Variants in EVC observed in about 807,000 individuals in gnomAD.
EVC encodes EvC ciliary complex subunit 1, also known as evC complex member EVC.
In EVC, 116 loss-of-function variants were observed where a neutral mutation model predicts 118.9. The ratio of observed to expected loss-of-function variants is 0.98; its 90% CI spans 0.84 to 1.14. EVC has a LOEUF of 1.14. EVC is among the 50% of genes most tolerant of loss of function. The pLI is 0.00. For synonymous variants in EVC, 619 were observed against 534.7 expected, an observed-to-expected ratio of 1.16 and a Z score of -2.18; for missense variants, 1,401 against 1,246.4, an observed-to-expected ratio of 1.12 and a Z score of -1.87.
intron 15 of EVC, among the ~76,000 whole-genome samples, chr4:5,801,308 A>T (rs1714925694): frequency 6.6e-6 from 1 of 152,132 alleles, no homozygotes; most frequent in African/African-American, 2.4e-5. Flanking sequence ...GTCACTCCAG[A>T]TGTCAGGCCT....
In EVC at chr4:5,719,406, C is replaced by A. The variant is rs1419679318; in HGVS notation, c.300+33C>A. 4 of 1,613,748 alleles carry A rather than the reference C, an allele frequency of 2.5e-6. No homozygotes were observed. In the Admixed American group the frequency reaches 6.7e-5, roughly 27 times the overall value. ...TGGTGTTGATGTTTGTTTGTGGAGG[C>A]ACATGTGGGAGGTGGGGTATTCCCC... On this transcript the variant is annotated intron_variant, in intron 2 of 20. Coordinates refer to ENST00000264956, the MANE Select transcript of EVC (RefSeq NM_153717.3). This position sits in a 1 kb window ranked among gnomAD's most constrained non-coding sequence, Gnocchi z 4.7.
Position 5,783,632 on chromosome 4 carries a change from C to T in EVC, c.1644C>T (p.Gly548=), listed in dbSNP as rs1316109806. 6.2e-7 allele frequency: 1 copy of T among 1,614,142 alleles called. No homozygotes were observed. Among genetic ancestry groups the T allele is most frequent in the East Asian group, 2.2e-5 (1 of 44,882 alleles). The change falls in exon 12 of 21, where the codon GGC becomes GGT. Residue 548 remains glycine (G), a synonymous_variant. Coordinates refer to ENST00000264956, the MANE Select transcript of EVC (RefSeq NM_153717.3). ...TTCAGACGCTCCCTGGCATGACTGG[C>T]CTCCCCCCGGAAGAGTGTGACTACT... ...LFLQTLPGMT[G]LPPEECDYLR... is the part of the protein sequence containing the mutation.
At chr4:5,777,972 G>A (rs1469997610) in intron 11 of EVC, among the ~76,000 whole-genome samples, 2 of 151,408 alleles carry the variant, frequency 1.3e-5, no homozygotes, top group Non-Finnish European at 2.9e-5. Flanking sequence ...ATATCTCCCA[G>A]TGCTATCCCT....
At chr4:5,718,272 A>G (rs1724319153) in intron 1 of EVC, among the ~76,000 whole-genome samples, 1 of 152,202 alleles carries the variant, frequency 6.6e-6, no homozygotes, top group Admixed American at 6.5e-5. Flanking sequence ...CAGTCAATAC[A>G]TAGCATAGTT....
At position 5,756,218 on chromosome 4, in the gene EVC, A is replaced by C. The variant is rs1395214957; in HGVS notation, c.1465-46A>C. On this transcript the variant is annotated intron_variant, in intron 10 of 20. Transcript: ENST00000264956. This position sits in a 1 kb window ranked among gnomAD's most constrained non-coding sequence, Gnocchi z 4.2. ...GAGAACCTTCTGGAAAAAAAAAAAA[A>C]AACCCTGCATGTTTCTACCAGACTC... 6.7e-7 allele frequency: 1 copy of C among 1,490,180 alleles called. No homozygotes were observed. The highest frequency in any genetic ancestry group is 1.7e-4 in the Middle Eastern group (1 of 5,858). The allele number at this position is 1,490,180 out of a possible 1,614,324, so 92.3% of individuals were successfully genotyped here.
At chr4:5,760,397 T>A (rs1731824403) in intron 11 of EVC, among the ~76,000 whole-genome samples, 1 of 151,980 alleles carries the variant, frequency 6.6e-6, no homozygotes, top group Non-Finnish European at 1.5e-5. Context: ...CCTTTTAACG[T>A]AACATCAGGA....
intron 11 of EVC, among the ~76,000 whole-genome samples, chr4:5,768,398 G>T (rs77297528): frequency 0.14 from 20,767 of 152,130 alleles, 1,600 homozygotes; most frequent in East Asian, 0.32. Context: ...GCTGACTGAC[G>T]GGGCAGGGAG....
downstream of EVC, among the ~76,000 whole-genome samples, chr4:5,816,121 C>T (rs1717636775): frequency 6.6e-6 from 1 of 152,016 alleles, no homozygotes; most frequent in Admixed American, 6.6e-5. Context: ...GCAGATTGGA[C>T]AGGAGGCCTG....
intron 8 of EVC, among the ~76,000 whole-genome samples, chr4:5,752,250 G>T (rs3774866): frequency 0.32 from 48,970 of 152,006 alleles, 8,327 homozygotes; most frequent in Admixed American, 0.43. Flanking sequence ...AGGGCCCTTG[G>T]CTGCCTCCGG....
In EVC at chr4:5,813,683, C is replaced by T. The variant is rs1717252274; in HGVS notation, c.*2646C>T. 1 of 152,170 alleles carries T rather than the reference C, an allele frequency of 6.6e-6. No homozygotes were observed. The highest frequency in any genetic ancestry group is 1.5e-5 in the Non-Finnish European group (1 of 68,048). The allele number at this position is 152,170 out of a possible 1,614,324, so 9.4% of individuals were successfully genotyped here. Reference sequence around the variant, plus strand: ...GCATCTGTGGAATGATCACGGGACCCTTCTCCTCTGAGAAGGCTCCCGGCT... The same window carrying T: ...GCATCTGTGGAATGATCACGGGACCTTTCTCCTCTGAGAAGGCTCCCGGCT... On this transcript the variant is annotated 3_prime_UTR_variant, in exon 21 of 21. Transcript: ENST00000264956.
chr4:5,815,623 G>T (rs1022869264), downstream of EVC, among the ~76,000 whole-genome samples: 1 of 152,182 alleles, frequency 6.6e-6, no homozygotes, highest in Non-Finnish European at 1.5e-5. Context: ...AGAGGGAGAG[G>T]GGCCAGGGAA....
At chr4:5,806,392 C>G (rs144017227) in intron 17 of EVC, among the ~76,000 whole-genome samples, 1 of 152,158 alleles carries the variant, frequency 6.6e-6, no homozygotes, top group Non-Finnish European at 1.5e-5. Flanking sequence ...TCATTCTACT[C>G]GCTGTGTCCA....
chr4:5,793,045 C>T lies in EVC; in HGVS notation c.1777-563C>T, dbSNP rs142080042. Among the ~76,000 whole-genome samples, 13 of 152,146 alleles carry T rather than the reference C, an allele frequency of 8.5e-5. No individual in the cohort carries two copies. In the East Asian group the frequency reaches 2.3e-3, roughly 27 times the overall value. ...TTTCCCCTAAACTTGACCAGCTGAT[C>T]CTAAAAGTCATATGAAAGGAAAAGC... On this transcript the variant is annotated intron_variant, in intron 12 of 20. Transcript: ENST00000264956.
intron 11 of EVC, among the ~76,000 whole-genome samples, chr4:5,777,931 G>A (rs1227974386): frequency 3.9e-5 from 6 of 151,990 alleles, no homozygotes; most frequent in Non-Finnish European, 7.3e-5. Flanking sequence ...CTGGTGCGCT[G>A]CACCCACTAA....
At chr4:5,740,017 G>C (rs528767454) in intron 5 of EVC, among the ~76,000 whole-genome samples, 162 of 152,166 alleles carry the variant, frequency 1.1e-3, no homozygotes, top group African/African-American at 3.7e-3. Context: ...CACTTCAATG[G>C]AGGAATGATA....
At chr4:5,723,331 A>G (rs1362190044) in intron 2 of EVC, among the ~76,000 whole-genome samples, 1 of 151,914 alleles carries the variant, frequency 6.6e-6, no homozygotes. Context: ...CTGGGATTAC[A>G]GGCATGCGCC....
At chr4:5,733,013 A>G (rs1727084911) in intron 4 of EVC, among the ~76,000 whole-genome samples, 1 of 152,176 alleles carries the variant, frequency 6.6e-6, no homozygotes, top group African/African-American at 2.4e-5. Flanking sequence ...CTATTTCTAA[A>G]AAGATAAGTA....
chr4:5,727,600 G>T lies in EVC; in HGVS notation c.301-1707G>T, dbSNP rs1204495228. Among the ~76,000 whole-genome samples, 319 of 149,070 alleles carry T rather than the reference G, an allele frequency of 2.1e-3. 1 individual carries two copies. Among genetic ancestry groups the T allele is most frequent in the African/African-American group, 7.2e-3 (292 of 40,458 alleles). ...AATGAGATCCCATTTGTCAATTTTG[G>T]CTTTTGTTGCCATTGCTTTTGGTGT... On this transcript the variant is annotated intron_variant, in intron 2 of 20. Coordinates refer to ENST00000264956, the MANE Select transcript of EVC (RefSeq NM_153717.3).
At chr4:5,733,028 A>T (rs1416083786) in intron 4 of EVC, among the ~76,000 whole-genome samples, 5 of 151,682 alleles carry the variant, frequency 3.3e-5, no homozygotes, top group African/African-American at 1.2e-4. Flanking sequence ...TAAGTAAATA[A>T]ATTTTTTTTT....
Sources: allele counts gnomAD v4.1 joint callset (sites outside exome capture counted in the v4.1 genomes callset), GRCh38; gene constraint gnomAD v4.1.1; non-coding constraint Gnocchi (gnomAD v3.1); transcripts MANE v1.5; gene names NCBI Gene and HGNC (gene_info 2026-07-23, HGNC 2026-07-21).